THRAP3: variants seen among roughly 807,000 people sequenced by gnomAD.
THRAP3 encodes thyroid hormone receptor-associated protein 3.
THRAP3 carries 16 observed loss-of-function variants against 101.0 expected under a neutral mutation model. The observed-to-expected ratio is 0.16, with a 90% CI of 0.11 to 0.24. THRAP3 has a LOEUF of 0.24. Ranked by LOEUF, THRAP3 falls within the 10% of genes least tolerant of loss-of-function variation. The probability of loss-of-function intolerance (pLI) is 1.00; values close to 1 mark genes in which losing one functional copy is unlikely to be tolerated. For missense variants in THRAP3, 989 were observed against 1,202.7 expected (o/e 0.82, Z 2.63); for synonymous variants, 407 against 422.6 (o/e 0.96, Z 0.45).
intron 9 of THRAP3, among the ~76,000 whole-genome samples, chr1:36,300,683 T>C (rs374126121): frequency 4.9e-4 from 75 of 152,226 alleles, no homozygotes; most frequent in African/African-American, 1.7e-3. Flanking sequence ...GACATAGATG[T>C]GTCACTGAAC....
rs140345549 is a variant in THRAP3, at chr1:36,269,341, GA to G, written c.-32+9864del. 1.4e-3 allele frequency among the ~76,000 whole-genome samples: 216 copies of G among 151,920 alleles called. 5 individuals are homozygous for G. In the East Asian group the frequency reaches 0.034, roughly 24 times the overall value. Reference sequence around the variant, plus strand: ...GCTGCAGCCTTTTGGGGTTGCTAATGAAAAAAAGTAGCTTACTATGTATTTT... The same window carrying G: ...GCTGCAGCCTTTTGGGGTTGCTAATGAAAAAAGTAGCTTACTATGTATTTT... On this transcript the variant is annotated intron_variant, in intron 2 of 11. Transcript: ENST00000354618.
chr1:36,300,042 C>T (rs1006701833), intron 9 of THRAP3, among the ~76,000 whole-genome samples: 2 of 152,204 alleles, frequency 1.3e-5, no homozygotes, highest in African/African-American at 4.8e-5. Flanking sequence ...TCCTGGGATC[C>T]TGGCCTTGCT....
chr1:36,220,286 C>T (rs781309650), upstream of THRAP3, among the ~76,000 whole-genome samples: 16 of 152,200 alleles, frequency 1.1e-4, no homozygotes, highest in Non-Finnish European at 2.2e-4. Context: ...AGCCACTGTG[C>T]CCAGCCCTAA....
At chr1:36,275,602 A>AAAG (rs747456544) in intron 2 of THRAP3, among the ~76,000 whole-genome samples, 117,084 of 126,874 alleles carry the variant, frequency 0.92, 55,071 homozygotes, top group Non-Finnish European at 0.99. Flanking sequence ...AAAAAAAAAA[A>AAAG]AAGTCTTCTT....
At chr1:36,243,444 C>A (rs1431612037) in intron 1 of THRAP3, among the ~76,000 whole-genome samples, 1 of 151,978 alleles carries the variant, frequency 6.6e-6, no homozygotes, top group Non-Finnish European at 1.5e-5. Context: ...CAAAGCACAT[C>A]TTGCACCGCC....
At chr1:36,222,643 G>T (rs1423248342), upstream of THRAP3, among the ~76,000 whole-genome samples, 1 of 151,984 alleles carries the variant, frequency 6.6e-6, no homozygotes, top group Non-Finnish European at 1.5e-5. Context: ...CCTGACCTCA[G>T]GTGAGCTGCC....
intron 1 of THRAP3, among the ~76,000 whole-genome samples, chr1:36,245,167 CTTT>C (rs765561233): frequency 2.9e-5 from 4 of 136,662 alleles, no homozygotes; most frequent in Non-Finnish European, 1.6e-5. Context: ...CCATCCCAAT[CTTT>C]TTTTTTTTTT....
intron 9 of THRAP3, among the ~76,000 whole-genome samples, chr1:36,298,940 G>C (rs1416945683): frequency 6.6e-6 from 1 of 152,104 alleles, no homozygotes; most frequent in Admixed American, 6.5e-5. Flanking sequence ...GACTACAGGT[G>C]TACACCATCA....
intron 2 of THRAP3, among the ~76,000 whole-genome samples, chr1:36,277,782 G>A (rs142588229): frequency 5.1e-4 from 78 of 151,836 alleles, no homozygotes; most frequent in East Asian, 3.3e-3. Flanking sequence ...ATTTTGAGAC[G>A]GAATTCAGCT....
rs1557444240 is a variant in THRAP3 at position 36,282,395 on chromosome 1, A to AT, written c.-31-138_-31-137insT. On this transcript the variant is annotated intron_variant, in intron 2 of 11. Transcript: ENST00000354618. ...CACTGTGACTGGCTAATTAAAAAAA[A>AT]ATTTTTTTTTTTTTTTTGTAGATAT... 3,480 of 597,682 alleles carry AT rather than the reference A, an allele frequency of 5.8e-3. 3 individuals carry two copies. Among genetic ancestry groups the AT allele is most frequent in the Middle Eastern group, 0.013 (27 of 2,008 alleles). The allele number at this position is 597,682 out of a possible 1,614,324, so 37.0% of individuals were successfully genotyped here.
At chr1:36,257,618 G>T (rs903788516) in intron 1 of THRAP3, among the ~76,000 whole-genome samples, 1 of 152,126 alleles carries the variant, frequency 6.6e-6, no homozygotes, top group Non-Finnish European at 1.5e-5. Flanking sequence ...GTGTCTCTTC[G>T]CTGTCACAGA....
At chr1:36,224,546 G>A (rs995170589) in intron 1 of THRAP3, 41 bp downstream of exon 1, 2 of 152,456 alleles carry the variant, frequency 1.3e-5, no homozygotes, top group Non-Finnish European at 2.9e-5. Context: ...CAGCTTAACC[G>A]GCTCTAGTGG....
chr1:36,289,795 C>A (rs1388508213), intron 5 of THRAP3, 31 bp downstream of exon 5: 3 of 1,561,360 alleles, frequency 1.9e-6, no homozygotes, highest in Non-Finnish European at 2.6e-6. Context: ...ATCCTCAGTG[C>A]TTTAGTGGCC....
chr1:36,247,460 G>C (rs1340923541), intron 1 of THRAP3, among the ~76,000 whole-genome samples: 5 of 152,070 alleles, frequency 3.3e-5, no homozygotes, highest in Non-Finnish European at 7.4e-5. Flanking sequence ...CAGTGACTGG[G>C]ATTACAGGCG....
the THRAP3 span, among the ~76,000 whole-genome samples, chr1:36,215,826 C>A: frequency 1.3e-5 from 2 of 151,442 alleles, no homozygotes; most frequent in Non-Finnish European, 2.9e-5. Flanking sequence ...CTCAGCTCAA[C>A]GCAACCTCTG....
At chr1:36,243,356 G>A (rs1403575101) in intron 1 of THRAP3, among the ~76,000 whole-genome samples, 1 of 151,794 alleles carries the variant, frequency 6.6e-6, no homozygotes, top group East Asian at 1.9e-4. Flanking sequence ...CTTCCGCAGT[G>A]TTTGTGTCCC....
At chr1:36,280,106 G>A (rs1307750205) in intron 2 of THRAP3, among the ~76,000 whole-genome samples, 1 of 152,172 alleles carries the variant, frequency 6.6e-6, no homozygotes, top group Non-Finnish European at 1.5e-5. Context: ...GCAACACAGG[G>A]AGACCCCATC....
rs1646081278 is a variant in THRAP3, at chr1:36,304,917, TAATC to T, written c.*901_*904del. On this transcript the variant is annotated 3_prime_UTR_variant, in exon 12 of 12. Transcript: ENST00000354618. ...AGAAAATTTTTTCAATATTTTTTAT[TAATC>T]TTTTTATAAAATGAAAAGAAACTCC... 4.8e-6 allele frequency: 1 copy of T among 207,146 alleles called. No homozygotes were observed. The highest frequency in any genetic ancestry group is 9.9e-6 in the Non-Finnish European group (1 of 101,374). The allele number at this position is 207,146 out of a possible 1,614,324, so 12.8% of individuals were successfully genotyped here.
intron 1 of THRAP3, among the ~76,000 whole-genome samples, chr1:36,227,434 C>T (rs1423154495): frequency 2.6e-5 from 4 of 151,968 alleles, no homozygotes; most frequent in Non-Finnish European, 4.4e-5. Flanking sequence ...AGGGATGTGC[C>T]ACCACGCCTG....
Sources: gnomAD v4.1 joint callset for allele counts (sites outside exome capture counted in the v4.1 genomes callset) on GRCh38, gnomAD v4.1.1 for gene constraint, MANE v1.5 for transcripts, NCBI Gene and HGNC (gene_info 2026-07-23, HGNC 2026-07-21) for gene names.